DCC: variants seen among roughly 807,000 people sequenced by gnomAD.
DCC encodes netrin receptor DCC.
Under a neutral mutation model 172.5 loss-of-function variants are expected in DCC, and 58 were observed. That is an observed-to-expected ratio of 0.34 (90% confidence interval 0.27 to 0.42). The LOEUF is 0.42. DCC is among the 10% of genes least tolerant of loss of function. DCC has a pLI of 1.00. For missense variants in DCC, 1,740 were observed against 1,791.0 expected (o/e 0.97, Z 0.51); for synonymous variants, 709 against 644.5 (o/e 1.10, Z -1.52).
At chr18:52,908,105 T>C (rs185234660) in intron 3 of DCC, among the ~76,000 whole-genome samples, 1 of 152,352 alleles carries the variant, frequency 6.6e-6, no homozygotes, top group Admixed American at 6.5e-5. Flanking sequence ...TCTCAAAGTA[T>C]GGATGTTGGC....
At chr18:52,384,823 T>C (rs969139274) in intron 1 of DCC, among the ~76,000 whole-genome samples, 2 of 152,158 alleles carry the variant, frequency 1.3e-5, no homozygotes, top group Middle Eastern at 3.2e-3. Flanking sequence ...ACTGCATTCA[T>C]ATTTGATGAA....
At chr18:53,423,559 TTCTC>T (rs1252850737) in intron 21 of DCC, among the ~76,000 whole-genome samples, 1 of 152,204 alleles carries the variant, frequency 6.6e-6, no homozygotes, top group African/African-American at 2.4e-5. Flanking sequence ...TAGCTGTGCT[TTCTC>T]TCTTTCTCAA....
rs138006118 is a variant in DCC at position 52,796,712 on chromosome 18, T to C, written c.412+44338T>C. Among the ~76,000 whole-genome samples, 548 of 152,314 alleles carry C rather than the reference T, an allele frequency of 3.6e-3. 4 individuals carry two copies. Among genetic ancestry groups the C allele is most frequent in the African/African-American group, 0.012 (504 of 41,578 alleles). On this transcript the variant is annotated intron_variant, in intron 2 of 28. Coordinates refer to ENST00000442544, the MANE Select transcript of DCC (RefSeq NM_005215.4). The stretch of plus-strand genomic sequence containing the variant: ...TTAGTCTGATGGAGGTTCCCTTTTA[T>C]GTGACTTGATGCTTTTTCTCTTGCT...
intron 1 of DCC, among the ~76,000 whole-genome samples, chr18:52,345,749 A>T (rs1336573939): frequency 6.6e-6 from 1 of 152,218 alleles, no homozygotes; most frequent in Non-Finnish European, 1.5e-5. Context: ...GATTTGCCTT[A>T]AAAATAAATT....
intron 12 of DCC, among the ~76,000 whole-genome samples, chr18:53,275,752 G>C (rs57626118): frequency 0.016 from 2,468 of 152,122 alleles, 66 homozygotes; most frequent in African/African-American, 0.056. Flanking sequence ...TTTTTTGAGA[G>C]CTAATGTGGT....
chr18:53,345,535 A>C (rs140079703), intron 15 of DCC, among the ~76,000 whole-genome samples: 182 of 152,204 alleles, frequency 1.2e-3, no homozygotes, highest in African/African-American at 4.2e-3. Context: ...GATGTTTTCT[A>C]TTTACCCAGA....
At chr18:52,685,519 A>G (rs2035816893) in intron 1 of DCC, among the ~76,000 whole-genome samples, 1 of 152,106 alleles carries the variant, frequency 6.6e-6, no homozygotes, top group African/African-American at 2.4e-5. Context: ...GTGGTACCTC[A>G]TGGAATGAGT....
At chr18:52,787,428 A>G (rs1443066535) in intron 2 of DCC, among the ~76,000 whole-genome samples, 3 of 150,386 alleles carry the variant, frequency 2.0e-5, no homozygotes, top group African/African-American at 4.9e-5. Flanking sequence ...AGTTAAAAAC[A>G]TGACTAAGAA....
chr18:52,948,395 T>A (rs1277396372), intron 5 of DCC, among the ~76,000 whole-genome samples: 1 of 152,086 alleles, frequency 6.6e-6, no homozygotes, highest in Non-Finnish European at 1.5e-5. Flanking sequence ...ATGAATGATA[T>A]TGAACAATGA....
At position 53,512,756 on chromosome 18, in the gene DCC, A is replaced by T. The variant is rs527710417; in HGVS notation, c.4111+13246A>T. ...TGAAATGAAGCAAGAAGGGAAGTTT[A>T]GAGAAAAAAGAATAAAAAGAAATTA... is the stretch of plus-strand genomic sequence containing the variant. On this transcript the variant is annotated intron_variant, in intron 27 of 28. Coordinates refer to ENST00000442544, the MANE Select transcript of DCC (RefSeq NM_005215.4). 2.0e-5 allele frequency among the ~76,000 whole-genome samples: 3 copies of T among 148,902 alleles called. No homozygotes were observed. In the East Asian group the frequency reaches 5.9e-4, roughly 30 times the overall value.
chr18:53,256,920 T>A (rs188191999), intron 12 of DCC, among the ~76,000 whole-genome samples: 309 of 152,334 alleles, frequency 2.0e-3, no homozygotes, highest in African/African-American at 7.1e-3. Context: ...CTTGAAGAGG[T>A]CCTTCACATC....
chr18:52,586,258 GTTTTCATTTTGATA>G (rs1219758628), intron 1 of DCC, among the ~76,000 whole-genome samples: 1 of 151,984 alleles, frequency 6.6e-6, no homozygotes, highest in Non-Finnish European at 1.5e-5. Context: ...TGATTGTAAT[GTTTTCATTTTGATA>G]TTAAAAATAT....
rs559980494 is a variant in DCC, at chr18:53,055,833, C to T, written c.986-7472C>T. Among the ~76,000 whole-genome samples, 4 of 152,038 alleles carry T rather than the reference C, an allele frequency of 2.6e-5. No individual in the cohort carries two copies. The South Asian group carries it at 8.3e-4, about 32-fold the overall frequency. Reference sequence around the variant, plus strand: ...AGAAGATGCATCATCACAGCACCTTCCTTAAAAAAGAGGGGAAGGAAGGAG... The same window carrying T: ...AGAAGATGCATCATCACAGCACCTTTCTTAAAAAAGAGGGGAAGGAAGGAG... On this transcript the variant is annotated intron_variant, in intron 5 of 28. Coordinates refer to ENST00000442544, the MANE Select transcript of DCC (RefSeq NM_005215.4).
chr18:53,079,743 G>A (rs1360413130), intron 7 of DCC, among the ~76,000 whole-genome samples: 1 of 152,128 alleles, frequency 6.6e-6, no homozygotes, highest in Admixed American at 6.6e-5. Flanking sequence ...AGTTGAAATG[G>A]ACTTTGAAGT....
At chr18:53,432,522 C>T (rs1911682396) in intron 21 of DCC, among the ~76,000 whole-genome samples, 1 of 152,124 alleles carries the variant, frequency 6.6e-6, no homozygotes, top group South Asian at 2.1e-4. Context: ...TTTCTAAATT[C>T]TGATTACTCC....
chr18:53,029,652 G>A (rs1055329597), intron 5 of DCC, among the ~76,000 whole-genome samples: 1 of 151,944 alleles, frequency 6.6e-6, no homozygotes, highest in Non-Finnish European at 1.5e-5. Flanking sequence ...CAAACTCAGA[G>A]GTGCATCATA....
intron 7 of DCC, among the ~76,000 whole-genome samples, chr18:53,137,387 A>T (rs1411143727): frequency 6.6e-6 from 1 of 152,200 alleles, no homozygotes; most frequent in East Asian, 1.9e-4. Flanking sequence ...TATCCTCAGA[A>T]CTTTGAGGCC....
intron 5 of DCC, among the ~76,000 whole-genome samples, chr18:52,958,074 CA>C (rs1328146097): frequency 3.3e-5 from 5 of 151,666 alleles, no homozygotes; most frequent in East Asian, 1.9e-4. Context: ...GGAAAGCACA[CA>C]AAAAAAATGG....
At chr18:53,351,466 GTATATA>G (rs58177961) in intron 15 of DCC, among the ~76,000 whole-genome samples, 15 of 37,296 alleles carry the variant, frequency 4.0e-4, no homozygotes, top group South Asian at 1.5e-3. Context: ...TACACAGTGT[GTATATA>G]TATATATATA....
Sources: gnomAD v4.1 joint callset for allele counts (sites outside exome capture counted in the v4.1 genomes callset) on GRCh38, gnomAD v4.1.1 for gene constraint, MANE v1.5 for transcripts, NCBI Gene and HGNC (gene_info 2026-07-23, HGNC 2026-07-21) for gene names.